Variants in SMO observed in about 807,000 individuals in gnomAD.
The protein encoded by SMO is smoothened, frizzled class receptor.
In SMO, 40 loss-of-function variants were observed where a neutral mutation model predicts 81.6. The observed-to-expected ratio is 0.49, with a 90% confidence interval of 0.38 to 0.64. The LOEUF is 0.64. Among genes scored for constraint, SMO ranks in the 30% least tolerant of loss-of-function variants. The pLI is 0.00. For synonymous variants in SMO, 434 were observed against 432.1 expected, an observed-to-expected ratio of 1.00 and a Z score of -0.05; for missense variants, 916 against 1,061.1, an observed-to-expected ratio of 0.86 and a Z score of 1.90.
chr7:129,193,193 G>A (rs1328191499), intron 1 of SMO, among the ~76,000 whole-genome samples: 2 of 152,212 alleles, frequency 1.3e-5, no homozygotes, highest in Admixed American at 1.3e-4. Flanking sequence ...AGCTGGCAGT[G>A]GCGATAGGTC....
At position 129,208,863 on chromosome 7, in the gene SMO, C is replaced by T. The variant is rs55987303; in HGVS notation, c.1357+12C>T. 1.4e-3 allele frequency: 2,201 copies of T among 1,597,348 alleles called. 27 individuals are homozygous for T. The African/African-American group carries it at 0.027, about 19-fold the overall frequency. On this transcript the variant is annotated intron_variant, in intron 7 of 11. Coordinates refer to ENST00000249373, the MANE Select transcript of SMO (RefSeq NM_005631.5). This position sits in a 1 kb window ranked among gnomAD's most constrained non-coding sequence, Gnocchi z 5.2. ...CATGCTGCGCCTGGGTGAGTGGCCCCGGGGGACTTCGGTCTGAGGTCCTGG... is the reference window on the plus strand; with the variant it reads ...CATGCTGCGCCTGGGTGAGTGGCCCTGGGGGACTTCGGTCTGAGGTCCTGG...
In SMO at chr7:129,188,824, G is replaced by T. The variant is rs916834330; in HGVS notation, c.-328G>T. On this transcript the variant is annotated 5_prime_UTR_variant, in exon 1 of 12. It removes an upstream start codon present in the reference 5' UTR. Transcript: ENST00000249373. This position sits in a 1 kb window ranked among gnomAD's most constrained non-coding sequence, Gnocchi z 4.9. The stretch of plus-strand genomic sequence containing the variant: ...CGCGGGGCGGGGAGGTGGCTTTAAT[G>T]GTGGGAGAGGGAATGGGGCTGGGGA... The T allele has an allele frequency of 1.7e-4, 41 of 239,078 alleles. No homozygotes were observed. Among genetic ancestry groups the T allele is most frequent in the Non-Finnish European group, 2.8e-4 (34 of 122,690 alleles). 14.8% of individuals were successfully genotyped at this position (239,078 alleles called of 1,614,324 possible).
intron 1 of SMO, among the ~76,000 whole-genome samples, chr7:129,201,829 T>C (rs1302925824): frequency 6.6e-6 from 1 of 152,040 alleles, no homozygotes; most frequent in African/African-American, 2.4e-5. Flanking sequence ...TACAGGCATG[T>C]ACCACCACGA....
rs759771001 is a variant in SMO, at chr7:129,206,118, C to T, written c.921-32C>T. The T allele has an allele frequency of 4.1e-5, 62 of 1,504,276 alleles. No homozygotes were observed. Among genetic ancestry groups the T allele is most frequent in the Admixed American group, 8.9e-5 (5 of 56,178 alleles). The allele number at this position is 1,504,276 out of a possible 1,614,324, so 93.2% of individuals were successfully genotyped here. On this transcript the variant is annotated intron_variant, in intron 4 of 11. Transcript: ENST00000249373. The surrounding 1 kb of genome is among the most constrained non-coding windows in gnomAD (Gnocchi z 4.4). ...CCAGGTAGAGGGAGTACAGAGTGAC[C>T]GCCTCAAGTGACACCTCACCTCTCT...
At chr7:129,199,652 A>G (rs900734756) in intron 1 of SMO, among the ~76,000 whole-genome samples, 2 of 152,128 alleles carry the variant, frequency 1.3e-5, no homozygotes, top group South Asian at 2.1e-4. Context: ...GGGAGGATTA[A>G]CTGAACCTGG....
In SMO at chr7:129,211,889, C is replaced by T. The variant is rs909553600; in HGVS notation, c.1936+119C>T. The T allele has an allele frequency of 2.8e-6, 4 of 1,453,846 alleles. No individual in the cohort carries two copies. The highest frequency in any genetic ancestry group is 3.8e-6 in the Non-Finnish European group (4 of 1,054,488). 90.1% of individuals were successfully genotyped at this position (1,453,846 alleles called of 1,614,324 possible). ...AGAGGAAGGAAAGGCCCCAGAGGAT[C>T]TGAAGAGTGGGGCTGAGGCTCTAAG... On this transcript the variant is annotated intron_variant, in intron 11 of 11. Transcript: ENST00000249373. This position sits in a 1 kb window ranked among gnomAD's most constrained non-coding sequence, Gnocchi z 4.6.
rs762329164 is a variant in SMO at position 129,189,348 on chromosome 7, G to A, written c.197G>A (p.Arg66Gln). The change falls in exon 1 of 12, where the codon CGG becomes CAG. Residue 66 changes from arginine (R) to glutamine (Q), a missense_variant. Arg to Gln is a conservative substitution (Grantham distance 43). Around this residue, in one of 4 missense-constraint regions of SMO, gnomAD observed 146 missense variants for 149.9 expected, o/e 0.97. Transcript: ENST00000249373. This position sits in a 1 kb window ranked among gnomAD's most constrained non-coding sequence, Gnocchi z 4.7. ...GPPPPLSHCG[R>Q]AAPCEPLRYN... ...CCGCCGCCGCTGAGCCACTGCGGCC[G>A]GGCTGCCCCCTGCGAGCCGCTGCGC... The A allele has an allele frequency of 2.4e-5, 36 of 1,526,894 alleles. No individual in the cohort carries two copies. In the South Asian group the frequency reaches 3.8e-4, roughly 16 times the overall value. The allele number at this position is 1,526,894 out of a possible 1,614,324, so 94.6% of individuals were successfully genotyped here.
In SMO at chr7:129,208,961, A is replaced by G; in HGVS notation, c.1357+110A>G. On this transcript the variant is annotated intron_variant, in intron 7 of 11. Transcript: ENST00000249373. This position sits in a 1 kb window ranked among gnomAD's most constrained non-coding sequence, Gnocchi z 5.2. ...AGTAAGTCAGTGGGACAAGTTAGCC[A>G]TAGGGACAAGGACAAGGGGTGTGTG... 5.3e-6 allele frequency: 4 copies of G among 760,760 alleles called. No individual in the cohort carries two copies. Among genetic ancestry groups the G allele is most frequent in the Admixed American group, 4.0e-5 (2 of 49,474 alleles). 47.1% of individuals were successfully genotyped at this position (760,760 alleles called of 1,614,324 possible).
Position 129,208,985 on chromosome 7 carries a change from T to TGTAG in SMO, c.1357+137_1357+140dup. The TGTAG allele has an allele frequency of 1.5e-6, 1 of 670,990 alleles. No homozygotes were observed. Among genetic ancestry groups the TGTAG allele is most frequent in the Non-Finnish European group, 2.7e-6 (1 of 374,212 alleles). The allele number at this position is 670,990 out of a possible 1,614,324, so 41.6% of individuals were successfully genotyped here. ...CATAGGGACAAGGACAAGGGGTGTG[T>TGTAG]GTAGGTGGTAGTGGTAGTGGCAGCT... On this transcript the variant is annotated intron_variant, in intron 7 of 11. Transcript: ENST00000249373. This position sits in a 1 kb window ranked among gnomAD's most constrained non-coding sequence, Gnocchi z 5.2.
chr7:129,199,140 C>T (rs907488645), intron 1 of SMO, among the ~76,000 whole-genome samples: 9 of 151,054 alleles, frequency 6.0e-5, no homozygotes, highest in Admixed American at 5.9e-4. Context: ...TATAAAAGTG[C>T]CAGTTTATCC....
intron 1 of SMO, among the ~76,000 whole-genome samples, chr7:129,193,306 G>A (rs1156445756): frequency 3.3e-5 from 5 of 152,164 alleles, no homozygotes; most frequent in Admixed American, 2.0e-4. Context: ...GTAGGAGAGA[G>A]ACAAAGGCTG....
rs1344647223 is a variant in SMO at position 129,189,015 on chromosome 7, G to GGGGCCC, written c.-128_-123dup. The GGGGCCC allele has an allele frequency of 1.8e-5, 13 of 713,032 alleles. No homozygotes were observed. The Admixed American group carries it at 4.6e-4, about 25-fold the overall frequency. 44.2% of individuals were successfully genotyped at this position (713,032 alleles called of 1,614,324 possible). A position where few individuals can be genotyped will look rare whatever the true frequency, so the allele number is the denominator to read the frequency against. ...GGCCGGGGCGCGCGGAGCGTCCGGG[G>GGGGCCC]GGGCCCGGGCCCGGATTCTCTGGGC... On this transcript the variant is annotated 5_prime_UTR_variant, in exon 1 of 12. Transcript: ENST00000249373. The surrounding 1 kb of genome is among the most constrained non-coding windows in gnomAD (Gnocchi z 4.7).
At position 129,210,436 on chromosome 7, in the gene SMO, A is replaced by C. The variant is rs537363837; in HGVS notation, c.1540A>C (p.Ser514Arg). Residue 514 changes from serine to arginine, a missense_variant, in exon 9 of 12, where the codon AGC becomes CGC. Transcript: ENST00000249373. This position sits in a 1 kb window ranked among gnomAD's most constrained non-coding sequence, Gnocchi z 4.7. ...IPDCEIKNRP[S>R]LLVEKINLFA... The stretch of plus-strand genomic sequence containing the variant: ...TGACTGTGAGATCAAGAATCGCCCG[A>C]GCCTTCTGGTGGAGAAGATCAACCT... 6.2e-7 allele frequency: 1 copy of C among 1,614,136 alleles called. No individual in the cohort carries two copies. Among genetic ancestry groups the C allele is most frequent in the Admixed American group, 1.7e-5 (1 of 60,022 alleles).
chr7:129,197,031 A>AG (rs1278772850), intron 1 of SMO, among the ~76,000 whole-genome samples: 3 of 151,346 alleles, frequency 2.0e-5, no homozygotes, highest in East Asian at 1.9e-4. Flanking sequence ...AAAAAAAAAA[A>AG]AAAGAAATAA....
intron 1 of SMO, among the ~76,000 whole-genome samples, chr7:129,197,573 G>A (rs749662638): frequency 2.0e-5 from 3 of 152,056 alleles, no homozygotes; most frequent in Admixed American, 2.0e-4. Context: ...GACTACAGGC[G>A]CATGCCACCA....
intron 1 of SMO, among the ~76,000 whole-genome samples, chr7:129,199,836 T>C (rs935997987): frequency 6.6e-6 from 1 of 152,206 alleles, no homozygotes; most frequent in Admixed American, 6.5e-5. Context: ...TTTTTTAAAC[T>C]TTTATACTTT....
rs778314517 is a variant in SMO at position 129,206,424 on chromosome 7, G to A, written c.1141-40G>A. The A allele has an allele frequency of 3.1e-6, 5 of 1,613,936 alleles. No homozygotes were observed. The highest frequency in any genetic ancestry group is 2.2e-5 in the East Asian group (1 of 44,888). On this transcript the variant is annotated intron_variant, in intron 5 of 11. Transcript: ENST00000249373. This position sits in a 1 kb window ranked among gnomAD's most constrained non-coding sequence, Gnocchi z 4.4. Reference sequence around the variant, plus strand: ...GGATGGGGTGAGTTTGAGGGAGGGGGCCAGTAACCCACCTTCTGTCCCACC... The same window carrying A: ...GGATGGGGTGAGTTTGAGGGAGGGGACCAGTAACCCACCTTCTGTCCCACC...
In SMO at chr7:129,213,363, C is replaced by T. The variant is rs946153927; in HGVS notation, c.*912C>T. 4.3e-6 allele frequency: 1 copy of T among 232,972 alleles called. No individual in the cohort carries two copies. The highest frequency in any genetic ancestry group is 2.2e-5 in the African/African-American group (1 of 45,316). 14.4% of individuals were successfully genotyped at this position (232,972 alleles called of 1,614,324 possible). On this transcript the variant is annotated 3_prime_UTR_variant, in exon 12 of 12. Coordinates refer to ENST00000249373, the MANE Select transcript of SMO (RefSeq NM_005631.5). The stretch of plus-strand genomic sequence containing the variant: ...CCTGGGAAGCTGCCGTAGCTTCAGC[C>T]AGGCAAGAAAGCTTCCTTCAACCTG...
rs776710632 is a variant in SMO, at chr7:129,208,813, A to G, written c.1319A>G (p.Lys440Arg). The G allele has an allele frequency of 1.2e-6, 2 of 1,614,066 alleles. No homozygotes were observed. Among genetic ancestry groups the G allele is most frequent in the Non-Finnish European group, 8.5e-7 (1 of 1,179,966 alleles). ...KSNHPGLLSEKAASKINETML... is the reference protein window; with the variant it reads ...KSNHPGLLSERAASKINETML... ...AACCACCCCGGGCTGCTGAGTGAGA[A>G]GGCTGCCAGCAAGATCAACGAGACC... Residue 440 changes from lysine to arginine, a missense_variant, in exon 7 of 12, where the codon AAG becomes AGG. Lys to Arg is a conservative substitution (Grantham distance 26). Transcript: ENST00000249373. This position sits in a 1 kb window ranked among gnomAD's most constrained non-coding sequence, Gnocchi z 5.2.
Sources: allele counts gnomAD v4.1 joint callset (sites outside exome capture counted in the v4.1 genomes callset), GRCh38; gene constraint gnomAD v4.1.1; regional missense constraint gnomAD v4.1.1; non-coding constraint Gnocchi (gnomAD v3.1); transcripts MANE v1.5; gene names NCBI Gene and HGNC (gene_info 2026-07-23, HGNC 2026-07-21).